Variants in KLHL3 observed in about 807,000 individuals in gnomAD.
KLHL3 encodes the protein kelch like family member 3.
KLHL3 carries 19 observed loss-of-function variants against 70.5 expected under a neutral mutation model. The ratio of observed to expected loss-of-function variants is 0.27; its 90% CI spans 0.19 to 0.40. The LOEUF is 0.40. KLHL3 is among the 10% of genes least tolerant of loss of function. The pLI is 1.00. For synonymous variants in KLHL3, 258 were observed against 290.3 expected (o/e 0.89, Z 1.13); for missense variants, 512 against 771.1 (o/e 0.66, Z 3.98).
At chr5:137,719,130 C>T (rs768585394) in intron 2 of KLHL3, among the ~76,000 whole-genome samples, 20 of 152,256 alleles carry the variant, frequency 1.3e-4, no homozygotes, top group Admixed American at 7.2e-4. Context: ...ACCTGTCATA[C>T]TTGCTTCTGT....
At chr5:137,644,161 C>T (rs748969659) in intron 8 of KLHL3, among the ~76,000 whole-genome samples, 4 of 152,112 alleles carry the variant, frequency 2.6e-5, no homozygotes, top group Non-Finnish European at 4.4e-5. Flanking sequence ...CTCCACCCCC[C>T]GGGTTCAAGC....
At position 137,735,969 on chromosome 5, in the gene KLHL3, T is replaced by A; in HGVS notation, c.-323A>T. ...TTGGTCTCCTAGGAACGGCGGCAGC[T>A]CCAGCGACCCAGGTGCACTGCCACC... is the stretch of plus-strand genomic sequence containing the variant. On this transcript the variant is annotated 5_prime_UTR_variant, in exon 1 of 15. Transcript: ENST00000309755. The A allele has an allele frequency of 2.2e-6, 1 of 448,850 alleles. No homozygotes were observed. The highest frequency in any genetic ancestry group is 6.5e-4 in the Middle Eastern group (1 of 1,530). 27.8% of individuals were successfully genotyped at this position (448,850 alleles called of 1,614,324 possible).
chr5:137,692,210 T>C, intron 5 of KLHL3, 75 bp downstream of exon 5: 1 of 1,312,510 alleles, frequency 7.6e-7, no homozygotes, highest in Non-Finnish European at 1.1e-6. Flanking sequence ...CTCATAATCT[T>C]TGAGGAGTCT....
rs1335629840 is a variant in KLHL3 at position 137,720,296 on chromosome 5, G to A, written c.134+169C>T. Among the ~76,000 whole-genome samples the A allele has an allele frequency of 4.0e-5, 6 of 149,778 alleles. No homozygotes were observed. The East Asian group carries it at 5.8e-4, about 15-fold the overall frequency. ...AGCCTGGATGACAGAGCAAGATTCC[G>A]TCTCAAAAAAAAAAAAAGAGAGAAA... On this transcript the variant is annotated intron_variant, in intron 2 of 14. Transcript: ENST00000309755.
At chr5:137,646,214 A>G (rs1269105678) in intron 8 of KLHL3, among the ~76,000 whole-genome samples, 2 of 152,254 alleles carry the variant, frequency 1.3e-5, no homozygotes, top group African/African-American at 4.8e-5. Context: ...TATCTGGGAA[A>G]TGCAAATGAA....
intron 6 of KLHL3, among the ~76,000 whole-genome samples, chr5:137,669,813 C>T (rs918080829): frequency 2.0e-5 from 3 of 152,102 alleles, no homozygotes; most frequent in Non-Finnish European, 4.4e-5. Context: ...TACGCAAAAG[C>T]AAGAAGAAAA....
rs572664844 is a variant in KLHL3, at chr5:137,719,317, T to C, written c.134+1148A>G. ...AGGGCCTAGCCAGTGCCTCTGGGCA[T>C]CTTTGGTGAATCAATAGAAGCTCCT... On this transcript the variant is annotated intron_variant, in intron 2 of 14. Coordinates refer to ENST00000309755, the MANE Select transcript of KLHL3 (RefSeq NM_017415.3). 5.9e-5 allele frequency among the ~76,000 whole-genome samples: 9 copies of C among 152,384 alleles called. No individual in the cohort carries two copies. In the South Asian group the frequency reaches 1.7e-3, roughly 28 times the overall value.
chr5:137,736,053 T>C lies in KLHL3; in HGVS notation c.-407A>G. 1 of 334,320 alleles carries C rather than the reference T, an allele frequency of 3.0e-6. No homozygotes were observed. Among genetic ancestry groups the C allele is most frequent in the Non-Finnish European group, 5.9e-6 (1 of 170,174 alleles). 20.7% of individuals were successfully genotyped at this position (334,320 alleles called of 1,614,324 possible). A position where few individuals can be genotyped will look rare whatever the true frequency, so the allele number is the denominator to read the frequency against. The stretch of plus-strand genomic sequence containing the variant: ...CCAGCCCAGGCGATTAGCCCGCCCC[T>C]GGGGCTCCTGCCTCCTCTGTCTAGG... On this transcript the variant is annotated 5_prime_UTR_variant, in exon 1 of 15. Coordinates refer to ENST00000309755, the MANE Select transcript of KLHL3 (RefSeq NM_017415.3).
rs774186035 is a variant in KLHL3, at chr5:137,618,893, T to TAAA, written c.*3204_*3205insTTT. 2 of 25,890 alleles carry TAAA rather than the reference T, an allele frequency of 7.7e-5. No homozygotes were observed. The highest frequency in any genetic ancestry group is 2.1e-4 in the Non-Finnish European group (2 of 9,746). 1.6% of individuals were successfully genotyped at this position (25,890 alleles called of 1,614,324 possible). ...GCAGACTCCCTTGAATATGGTATTTTTAAAAAAAAAAAAAAGGCTCATCTA... is the reference window on the plus strand; with the variant it reads ...GCAGACTCCCTTGAATATGGTATTTTAAATAAAAAAAAAAAAAAGGCTCATCTA... On this transcript the variant is annotated 3_prime_UTR_variant, in exon 15 of 15. Transcript: ENST00000309755.
At chr5:137,674,993 C>A (rs889518854) in intron 6 of KLHL3, among the ~76,000 whole-genome samples, 1 of 152,094 alleles carries the variant, frequency 6.6e-6, no homozygotes, top group African/African-American at 2.4e-5. Context: ...ATGAGGTTAG[C>A]CAAAGAGAAA....
intron 8 of KLHL3, chr5:137,647,453 A>G (rs1000741327): frequency 1.5e-5 from 7 of 459,448 alleles, no homozygotes; most frequent in African/African-American, 8.0e-5. Flanking sequence ...TACATAGGTC[A>G]TTCAAATTTC....
intron 14 of KLHL3, among the ~76,000 whole-genome samples, 165 bp from the exon 15 acceptor site, chr5:137,622,291 C>G (rs1419622370): frequency 6.6e-6 from 1 of 152,206 alleles, no homozygotes; most frequent in Non-Finnish European, 1.5e-5. Flanking sequence ...CTGGCTGTTC[C>G]CCACTCCAAC....
intron 1 of KLHL3, among the ~76,000 whole-genome samples, chr5:137,727,090 A>G (rs1037522916): frequency 6.6e-6 from 1 of 152,072 alleles, no homozygotes; most frequent in Non-Finnish European, 1.5e-5. Flanking sequence ...GGTAATTCAT[A>G]CTTATTCAAA....
rs1429765967 is a variant in KLHL3 at position 137,663,150 on chromosome 5, C to T, written c.637-1119G>A. On this transcript the variant is annotated intron_variant, in intron 6 of 14. Coordinates refer to ENST00000309755, the MANE Select transcript of KLHL3 (RefSeq NM_017415.3). ...TTGGCTCACTGCAACCTCCACCTCC[C>T]GGGTTAAGTGATTCTCCCGTCTCAG... Among the ~76,000 whole-genome samples the T allele has an allele frequency of 8.0e-5, 12 of 150,836 alleles. No individual in the cohort carries two copies. The East Asian group carries it at 1.4e-3, about 17-fold the overall frequency.
rs184987558 is a variant in KLHL3 at position 137,684,470 on chromosome 5, A to C, written c.527-6816T>G. On this transcript the variant is annotated intron_variant, in intron 5 of 14. Coordinates refer to ENST00000309755, the MANE Select transcript of KLHL3 (RefSeq NM_017415.3). ...TCTCAAATGACTCAATCAATCAAAA[A>C]AAGGCCATTTCTCTCCATAAGCACG... 2.0e-5 allele frequency among the ~76,000 whole-genome samples: 3 copies of C among 152,298 alleles called. No individual in the cohort carries two copies. The East Asian group carries it at 5.8e-4, about 29-fold the overall frequency.
intron 2 of KLHL3, among the ~76,000 whole-genome samples, chr5:137,718,351 G>A (rs1157746041): frequency 7.9e-5 from 12 of 152,106 alleles, no homozygotes; most frequent in African/African-American, 2.2e-4. Flanking sequence ...AAGAAAAGGG[G>A]GCTGGGCATG....
At chr5:137,701,954 A>G (rs1316315370) in intron 3 of KLHL3, among the ~76,000 whole-genome samples, 1 of 152,222 alleles carries the variant, frequency 6.6e-6, no homozygotes, top group African/African-American at 2.4e-5. Context: ...GCTAACATGC[A>G]TGTCCTGTTT....
chr5:137,718,357 G>A (rs1752935980), intron 2 of KLHL3, among the ~76,000 whole-genome samples: 1 of 152,144 alleles, frequency 6.6e-6, no homozygotes, highest in African/African-American at 2.4e-5. Context: ...AGGGGGCTGG[G>A]CATGGTGGCT....
At chr5:137,665,700 A>G (rs561617272) in intron 6 of KLHL3, among the ~76,000 whole-genome samples, 1 of 152,346 alleles carries the variant, frequency 6.6e-6, no homozygotes, top group African/African-American at 2.4e-5. Flanking sequence ...TTTATCTGCC[A>G]GGAGGAAAAA....
Sources: allele counts gnomAD v4.1 joint callset (sites outside exome capture counted in the v4.1 genomes callset), GRCh38; gene constraint gnomAD v4.1.1; transcripts MANE v1.5; gene names NCBI Gene and HGNC (gene_info 2026-07-23, HGNC 2026-07-21).